Variants in LIPH observed in about 807,000 individuals in gnomAD.
LIPH encodes lipase H.
A neutral mutation model predicts 47.6 loss-of-function variants in LIPH; 32 were observed. The ratio of observed to expected loss-of-function variants is 0.67; its 90% CI spans 0.51 to 0.90. The LOEUF (loss-of-function observed/expected upper bound fraction) is 0.90, where lower values mean the gene tolerates loss of function less well. Among genes scored for constraint, LIPH ranks in the 40% least tolerant of loss-of-function variants. LIPH has a pLI of 0.00. For synonymous variants in LIPH, 190 were observed against 195.6 expected (o/e 0.97, Z 0.24); for missense variants, 497 against 541.4 (o/e 0.92, Z 0.81).
chr3:185,538,900 C>CATATATACACATATATAT (rs1720606977), intron 1 of LIPH, among the ~76,000 whole-genome samples: 8 of 58,470 alleles, frequency 1.4e-4, no homozygotes, highest in South Asian at 7.5e-4. Context: ...TACGTATATA[C>CATATATACACATATATAT]ACATATACAC....
intron 5 of LIPH, among the ~76,000 whole-genome samples, chr3:185,519,836 CAAAAAAAAAAAAAAAAAAA>C (rs145391972): frequency 5.1e-3 from 275 of 53,854 alleles, no homozygotes; most frequent in African/African-American, 0.018. Context: ...CACTCCATCT[CAAAAAAAAAAAAAAAAAAA>C]AAAAAAAAAA....
At chr3:185,520,524 A>G (rs1023101210) in intron 5 of LIPH, among the ~76,000 whole-genome samples, 4 of 152,132 alleles carry the variant, frequency 2.6e-5, no homozygotes. Context: ...CCCAAAAAAA[A>G]AGAAAAAAAA....
At chr3:185,528,621 C>A (rs1433750949) in intron 3 of LIPH, among the ~76,000 whole-genome samples, 2 of 152,128 alleles carry the variant, frequency 1.3e-5, no homozygotes, top group Admixed American at 1.3e-4. Context: ...GGTTTCACTG[C>A]CCTGAGTTTA....
At chr3:185,524,213 C>T (rs145870907) in intron 4 of LIPH, 53 bp from the exon 5 acceptor site, 6 of 1,022,298 alleles carry the variant, frequency 5.9e-6, no homozygotes, top group Admixed American at 1.7e-5. Context: ...TCCTATCTCA[C>T]AGCTCATTTG....
At chr3:185,531,964 C>G (rs1476946801) in intron 3 of LIPH, among the ~76,000 whole-genome samples, 1 of 152,084 alleles carries the variant, frequency 6.6e-6, no homozygotes, top group Non-Finnish European at 1.5e-5. Context: ...GTTGGCCTCC[C>G]AAAGTGCTGG....
At chr3:185,552,261 G>A (rs1721072001) in intron 1 of LIPH, among the ~76,000 whole-genome samples, 162 bp downstream of exon 1, 1 of 142,774 alleles carries the variant, frequency 7.0e-6, no homozygotes, top group Non-Finnish European at 1.5e-5. Flanking sequence ...TTTTTTTAAG[G>A]AAATGTTAAG....
chr3:185,548,139 G>A (rs147888049), intron 1 of LIPH, among the ~76,000 whole-genome samples: 7,291 of 152,252 alleles, frequency 0.048, 283 homozygotes, highest in East Asian at 0.24. Flanking sequence ...GGGCGCAGTG[G>A]CTCAAGCCTG....
intron 1 of LIPH, among the ~76,000 whole-genome samples, chr3:185,536,138 C>T (rs1720496801): frequency 6.6e-6 from 1 of 152,188 alleles, no homozygotes; most frequent in Non-Finnish European, 1.5e-5. Flanking sequence ...TTATAGATAT[C>T]TATGTACATA....
intron 1 of LIPH, among the ~76,000 whole-genome samples, chr3:185,536,438 G>A (rs1720504407): frequency 6.6e-6 from 1 of 152,094 alleles, no homozygotes; most frequent in Admixed American, 6.6e-5. Flanking sequence ...TCCTCCAATA[G>A]GAATTCAGGA....
intron 1 of LIPH, among the ~76,000 whole-genome samples, chr3:185,544,393 A>G (rs518909): frequency 0.045 from 6,679 of 149,914 alleles, 290 homozygotes; most frequent in East Asian, 0.25. Context: ...CGCTCTTGTC[A>G]CCCAGGCTGA....
chr3:185,509,631 C>T (rs375437405), intron 9 of LIPH, among the ~76,000 whole-genome samples: 5 of 151,594 alleles, frequency 3.3e-5, no homozygotes, highest in African/African-American at 1.2e-4. Context: ...AGACTCCGTA[C>T]CAAAAAAGAA....
At chr3:185,549,107 G>A (rs1720975378) in intron 1 of LIPH, among the ~76,000 whole-genome samples, 1 of 150,578 alleles carries the variant, frequency 6.6e-6, no homozygotes, top group African/African-American at 2.4e-5. Context: ...GTCCAGCCTG[G>A]CAACAGAGCG....
intron 4 of LIPH, among the ~76,000 whole-genome samples, chr3:185,525,252 A>T (rs1219398155): frequency 6.6e-6 from 1 of 152,088 alleles, no homozygotes; most frequent in African/African-American, 2.4e-5. Flanking sequence ...GTATATATAG[A>T]TTTAATAACT....
rs543994883 is a variant in LIPH at position 185,524,289 on chromosome 3, G to C, written c.629-129C>G. ...TATCATTATTGTTATACCTATGTAA[G>C]AGTTTTGCCCAAAGTCACCCAGCTA... On this transcript the variant is annotated intron_variant, in intron 4 of 9. Transcript: ENST00000296252. The C allele has an allele frequency of 1.9e-5, 13 of 678,132 alleles. No individual in the cohort carries two copies. The African/African-American group carries it at 2.3e-4, about 12-fold the overall frequency. The allele number at this position is 678,132 out of a possible 1,614,324, so 42.0% of individuals were successfully genotyped here.
chr3:185,511,558 GGA>G lies in LIPH; in HGVS notation c.1232_1233del (p.Leu411ProfsTer19), dbSNP rs751764739. 1.2e-6 allele frequency: 2 copies of G among 1,613,966 alleles called. No individual in the cohort carries two copies. Among genetic ancestry groups the G allele is most frequent in the African/African-American group, 2.7e-5 (2 of 74,886 alleles). ...LIGPRYKLRI[L>X]RMKLRSLAHP... is the part of the protein sequence containing the mutation. ...TGGGCAAGGGACCTTAACTTCATTC[GGA>G]GAATCCTGAGCTTGTACCTTGGGCC... On this transcript the variant is annotated frameshift_variant, in exon 9 of 10. Coordinates refer to ENST00000296252, the MANE Select transcript of LIPH (RefSeq NM_139248.3). LOFTEE classifies it high-confidence loss of function.
intron 3 of LIPH, 126 bp from the exon 4 acceptor site, chr3:185,527,711 C>T (rs534762192): frequency 4.3e-6 from 3 of 698,742 alleles, no homozygotes; most frequent in South Asian, 1.5e-5. Context: ...AGCGCTCACA[C>T]TCCCGTCCCA....
chr3:185,520,781 A>T (rs1229299577), intron 5 of LIPH, among the ~76,000 whole-genome samples: 1 of 151,808 alleles, frequency 6.6e-6, no homozygotes, highest in Non-Finnish European at 1.5e-5. Context: ...TCCCATTCTT[A>T]TTTCACTTAC....
intron 9 of LIPH, among the ~76,000 whole-genome samples, chr3:185,510,718 A>G (rs776536544): frequency 2.4e-4 from 36 of 152,186 alleles, no homozygotes; most frequent in South Asian, 2.1e-4. Context: ...AAAATACGAA[A>G]ATATTTTTTT....
chr3:185,517,207 C>G lies in LIPH; in HGVS notation c.887-45G>C, dbSNP rs372443970. On this transcript the variant is annotated intron_variant, in intron 6 of 9. Coordinates refer to ENST00000296252, the MANE Select transcript of LIPH (RefSeq NM_139248.3). ...AATTGTAAGATTAATATGTATTATA[C>G]AAACATAAAAGCAACTGAGGTAGCA... 154 of 1,077,942 alleles carry G rather than the reference C, an allele frequency of 1.4e-4. 1 individual carries two copies. Among genetic ancestry groups the G allele is most frequent in the Middle Eastern group, 6.0e-4 (3 of 5,036 alleles). 66.8% of individuals were successfully genotyped at this position (1,077,942 alleles called of 1,614,324 possible).
Sources: gnomAD v4.1 joint callset for allele counts (sites outside exome capture counted in the v4.1 genomes callset) on GRCh38, gnomAD v4.1.1 for gene constraint, MANE v1.5 for transcripts, NCBI Gene and HGNC (gene_info 2026-07-23, HGNC 2026-07-21) for gene names.